PAX7: variants seen among roughly 807,000 people sequenced by gnomAD.
PAX7 encodes the protein paired box 7, also known as paired box protein Pax-7.
Under a neutral mutation model 50.7 loss-of-function variants are expected in PAX7, and 18 were observed. The ratio of observed to expected loss-of-function variants is 0.36; its 90% confidence interval spans 0.25 to 0.53. The LOEUF is 0.53. Ranked by LOEUF, PAX7 falls within the 20% of genes least tolerant of loss-of-function variation. The pLI is 0.93. For missense variants in PAX7, 644 were observed against 702.9 expected (o/e 0.92, Z 0.95); for synonymous variants, 310 against 290.4 (o/e 1.07, Z -0.69).
chr1:18,646,017 A>C (rs2088332399), intron 4 of PAX7, among the ~76,000 whole-genome samples: 1 of 152,146 alleles, frequency 6.6e-6, no homozygotes, highest in African/African-American at 2.4e-5. Context: ...AGGGTCTAAA[A>C]ATATGGTAGA....
At chr1:18,637,451 G>A (rs2088180473) in intron 4 of PAX7, among the ~76,000 whole-genome samples, 1 of 152,210 alleles carries the variant, frequency 6.6e-6, no homozygotes. Flanking sequence ...GAAAGACAGT[G>A]GCCATGGGAA....
chr1:18,704,470 A>AT (rs2089259558), intron 7 of PAX7, among the ~76,000 whole-genome samples: 1 of 152,194 alleles, frequency 6.6e-6, no homozygotes, highest in South Asian at 2.1e-4. Flanking sequence ...CAATACAAAA[A>AT]TTAGCCAGGC....
chr1:18,664,459 G>A (rs779771839), intron 4 of PAX7, among the ~76,000 whole-genome samples: 2 of 152,210 alleles, frequency 1.3e-5, no homozygotes, highest in South Asian at 2.1e-4. Context: ...GGAAGGGGAG[G>A]GAGGAGGGCG....
In PAX7 at chr1:18,700,607, AGGAACCTGGCC is replaced by A; in HGVS notation, c.787-44_787-34del. ...TCTACATGTGTTGCAGCTCTCTGCC[AGGAACCTGGCC>A]GAGGGGTCTCCATTCTCTGCTCTCC... On this transcript the variant is annotated intron_variant, in intron 5 of 8. Transcript: ENST00000420770. The surrounding 1 kb of genome is among the most constrained non-coding windows in gnomAD (Gnocchi z 4.8). 6.8e-7 allele frequency: 1 copy of A among 1,472,330 alleles called. No individual in the cohort carries two copies. The highest frequency in any genetic ancestry group is 9.0e-7 in the Non-Finnish European group (1 of 1,109,924). 91.2% of individuals were successfully genotyped at this position (1,472,330 alleles called of 1,614,324 possible). A position where few individuals can be genotyped will look rare whatever the true frequency, so the allele number is the denominator to read the frequency against.
At chr1:18,678,538 C>T (rs2088855729) in intron 4 of PAX7, among the ~76,000 whole-genome samples, 1 of 152,138 alleles carries the variant, frequency 6.6e-6, no homozygotes, top group Non-Finnish European at 1.5e-5. Context: ...GTAAAGGCAC[C>T]ATCTCTACCC....
chr1:18,664,460 G>GT (rs2088639789), intron 4 of PAX7, among the ~76,000 whole-genome samples: 1 of 152,200 alleles, frequency 6.6e-6, no homozygotes, highest in Non-Finnish European at 1.5e-5. Flanking sequence ...GAAGGGGAGG[G>GT]AGGAGGGCGA....
At position 18,700,071 on chromosome 1, in the gene PAX7, T is replaced by C. The variant is rs1451610528; in HGVS notation, c.787-582T>C. ...GGGTTATTATCCCACTAATGTTTGA[T>C]AAATCCGTGTGTGTGTGTGTGTGTG... On this transcript the variant is annotated intron_variant, in intron 5 of 8. Transcript: ENST00000420770. This position sits in a 1 kb window ranked among gnomAD's most constrained non-coding sequence, Gnocchi z 4.8. Among the ~76,000 whole-genome samples, 1 of 138,918 alleles carries C rather than the reference T, an allele frequency of 7.2e-6. No individual in the cohort carries two copies. Among genetic ancestry groups the C allele is most frequent in the Non-Finnish European group, 1.5e-5 (1 of 66,118 alleles). 91.1% of individuals were successfully genotyped at this position (138,918 alleles called of 152,430 possible). A position where few individuals can be genotyped will look rare whatever the true frequency, so the allele number is the denominator to read the frequency against.
intron 3 of PAX7, among the ~76,000 whole-genome samples, 159 bp downstream of exon 3, chr1:18,635,399 T>A (rs2088134687): frequency 6.7e-6 from 1 of 149,936 alleles, no homozygotes; most frequent in African/African-American, 2.5e-5. Flanking sequence ...AGTTAAGGCA[T>A]AGGAGTAAAT....
chr1:18,643,243 C>G (rs575638812), intron 4 of PAX7, among the ~76,000 whole-genome samples: 9 of 152,136 alleles, frequency 5.9e-5, no homozygotes, highest in Non-Finnish European at 1.2e-4. Context: ...CTCTGCGTGT[C>G]GGCTGCCAGT....
In PAX7 at chr1:18,631,371, C is replaced by A; in HGVS notation, c.-233C>A. On this transcript the variant is annotated 5_prime_UTR_variant, in exon 1 of 9. Coordinates refer to ENST00000420770, the MANE Select transcript of PAX7 (RefSeq NM_001135254.2). Reference sequence around the variant, plus strand: ...TGTTTGAACTTCCTCGTCGTCGCCACCTTCCCTCCCCCCAACCTCCACCCC... The same window carrying A: ...TGTTTGAACTTCCTCGTCGTCGCCAACTTCCCTCCCCCCAACCTCCACCCC... 1 of 531,698 alleles carries A rather than the reference C, an allele frequency of 1.9e-6. No homozygotes were observed. The highest frequency in any genetic ancestry group is 3.4e-6 in the Non-Finnish European group (1 of 295,828). 32.9% of individuals were successfully genotyped at this position (531,698 alleles called of 1,614,324 possible). A position where few individuals can be genotyped will look rare whatever the true frequency, so the allele number is the denominator to read the frequency against.
At chr1:18,741,308 G>A (rs1225478543) in intron 8 of PAX7, among the ~76,000 whole-genome samples, 3 of 152,080 alleles carry the variant, frequency 2.0e-5, no homozygotes, top group Non-Finnish European at 4.4e-5. Flanking sequence ...AAATTAGCCA[G>A]GTGTATTGGT....
chr1:18,686,418 C>T (rs2088977042), intron 4 of PAX7, among the ~76,000 whole-genome samples: 1 of 152,166 alleles, frequency 6.6e-6, no homozygotes, highest in South Asian at 2.1e-4. Context: ...AGGGCAGGAG[C>T]CCAGGCTGGC....
At chr1:18,635,816 G>A (rs1185505671) in intron 3 of PAX7, among the ~76,000 whole-genome samples, 4 of 150,958 alleles carry the variant, frequency 2.6e-5, no homozygotes, top group Non-Finnish European at 5.9e-5. Context: ...GTGTGTGTGT[G>A]TGTATGTGTG....
At chr1:18,680,054 G>T (rs1318034663) in intron 4 of PAX7, among the ~76,000 whole-genome samples, 1 of 152,168 alleles carries the variant, frequency 6.6e-6, no homozygotes, top group East Asian at 1.9e-4. Context: ...ACTCTGTGGG[G>T]TTGGTACTAT....
rs180724381 is a variant in PAX7, at chr1:18,644,756, C to A, written c.586+8385C>A. 1.2e-4 allele frequency among the ~76,000 whole-genome samples: 18 copies of A among 152,268 alleles called. No homozygotes were observed. The East Asian group carries it at 3.5e-3, about 29-fold the overall frequency. Reference sequence around the variant, plus strand: ...AAAACAGAGCGGAGAGCTTCTCCTCCACCCCACTTGGTATTGGAAGGGTCC... The same window carrying A: ...AAAACAGAGCGGAGAGCTTCTCCTCAACCCCACTTGGTATTGGAAGGGTCC... On this transcript the variant is annotated intron_variant, in intron 4 of 8. Transcript: ENST00000420770.
At position 18,699,341 on chromosome 1, in the gene PAX7, A is replaced by G. The variant is rs373024162; in HGVS notation, c.787-1312A>G. Among the ~76,000 whole-genome samples, 5 of 152,154 alleles carry G rather than the reference A, an allele frequency of 3.3e-5. No homozygotes were observed. The East Asian group carries it at 5.8e-4, about 18-fold the overall frequency. Reference sequence around the variant, plus strand: ...ACCTGAACCCACCTTAGATGCGGCAATTAAGGAGTAGGAGTAGGAGGAAGC... The same window carrying G: ...ACCTGAACCCACCTTAGATGCGGCAGTTAAGGAGTAGGAGTAGGAGGAAGC... On this transcript the variant is annotated intron_variant, in intron 5 of 8. Transcript: ENST00000420770.
At chr1:18,730,521 C>T (rs990490416) in intron 7 of PAX7, among the ~76,000 whole-genome samples, 10 of 149,160 alleles carry the variant, frequency 6.7e-5, no homozygotes, top group Non-Finnish European at 1.3e-4. Context: ...GCTGCGGCCC[C>T]CACCCACCCA....
At chr1:18,645,970 C>T (rs986920018) in intron 4 of PAX7, among the ~76,000 whole-genome samples, 69 of 152,348 alleles carry the variant, frequency 4.5e-4, no homozygotes, top group African/African-American at 1.6e-3. Flanking sequence ...AGCTCTCCTT[C>T]CCGCCTGGAC....
Position 18,698,664 on chromosome 1 carries a change from C to T in PAX7, c.787-1989C>T, listed in dbSNP as rs1256497199. On this transcript the variant is annotated intron_variant, in intron 5 of 8. Coordinates refer to ENST00000420770, the MANE Select transcript of PAX7 (RefSeq NM_001135254.2). ...GCAAGGCCATTCCTTGCAGGGCTCC[C>T]TCCAGCATCCCTGCCACTCCAGGGT... is the stretch of plus-strand genomic sequence containing the variant. Among the ~76,000 whole-genome samples the T allele has an allele frequency of 5.9e-5, 9 of 152,238 alleles. No individual in the cohort carries two copies. The East Asian group carries it at 1.7e-3, about 29-fold the overall frequency.
Sources: allele counts gnomAD v4.1 joint callset (sites outside exome capture counted in the v4.1 genomes callset), GRCh38; gene constraint gnomAD v4.1.1; non-coding constraint Gnocchi (gnomAD v3.1); transcripts MANE v1.5; gene names NCBI Gene and HGNC (gene_info 2026-07-23, HGNC 2026-07-21).